Variants in GCG observed in about 807,000 individuals in gnomAD.
GCG encodes glucagon, also known as pro-glucagon.
Under a neutral mutation model 22.8 loss-of-function variants are expected in GCG, and 11 were observed. The observed-to-expected ratio is 0.48, with a 90% CI of 0.30 to 0.80. GCG has a LOEUF of 0.80. Ranked by LOEUF, GCG falls within the 30% of genes least tolerant of loss-of-function variation. The pLI is 0.06. For missense variants in GCG, 222 were observed against 222.0 expected, an observed-to-expected ratio of 1.00 and a Z score of 0.00; for synonymous variants, 89 against 72.4, an observed-to-expected ratio of 1.23 and a Z score of -1.16.
At chr2:162,148,221 C>T (rs1686743074) in intron 2 of GCG, among the ~76,000 whole-genome samples, 1 of 151,980 alleles carries the variant, frequency 6.6e-6, no homozygotes, top group African/African-American at 2.4e-5. Context: ...TGTGTATGAA[C>T]TTTCTGGAAA....
chr2:162,148,390 G>T (rs1417124509), intron 2 of GCG, among the ~76,000 whole-genome samples: 3 of 152,084 alleles, frequency 2.0e-5, no homozygotes, highest in Non-Finnish European at 4.4e-5. Flanking sequence ...TAAATTTTAA[G>T]ACCTCTTAAG....
intron 2 of GCG, 113 bp downstream of exon 2, chr2:162,148,974 C>T: frequency 1.5e-6 from 1 of 662,674 alleles, no homozygotes; most frequent in Non-Finnish European, 2.7e-6. Context: ...AACATTTGAT[C>T]ATTGTGCAGA....
In GCG at chr2:162,151,978, G is replaced by A. The variant is rs115354980; in HGVS notation, c.-10+180C>T. The stretch of plus-strand genomic sequence containing the variant: ...TTTTTCCAACTCGCTTTGCGGCTTC[G>A]CTATATTAAAGTACACGTAAATGCA... On this transcript the variant is annotated intron_variant, in intron 1 of 5. Coordinates refer to ENST00000418842, the MANE Select transcript of GCG (RefSeq NM_002054.5). 5.4e-3 allele frequency among the ~76,000 whole-genome samples: 813 copies of A among 151,938 alleles called. 12 individuals are homozygous for A. Among genetic ancestry groups the A allele is most frequent in the African/African-American group, 0.019 (786 of 41,422 alleles).
chr2:162,145,387 A>C, intron 4 of GCG, 153 bp downstream of exon 4: 1 of 647,606 alleles, frequency 1.5e-6, no homozygotes, highest in East Asian at 3.0e-5. Context: ...AATGGGTTTA[A>C]CTTTTATATA....
At chr2:162,147,237 T>C (rs561373830) in intron 3 of GCG, 116 bp downstream of exon 3, 113 of 785,198 alleles carry the variant, frequency 1.4e-4, no homozygotes, top group Admixed American at 4.0e-4. Context: ...ATCTTCAAAA[T>C]GATCAGGGCT....
intron 4 of GCG, chr2:162,145,079 T>C (rs917931533): frequency 1.3e-5 from 2 of 150,390 alleles, no homozygotes; most frequent in African/African-American, 2.4e-5. Context: ...TGAATATTTA[T>C]TAATATATAA....
At chr2:162,144,197 G>T in intron 4 of GCG, 27 bp from the exon 5 acceptor site, 1 of 1,573,208 alleles carries the variant, frequency 6.4e-7, no homozygotes, top group Non-Finnish European at 8.7e-7. Context: ...TAAAATTAGC[G>T]TTTGATTAGA....
rs907101187 is a variant in GCG, at chr2:162,145,618, C to G, written c.314G>C (p.Ser105Thr). Reference protein sequence around the residue: ...FERHAEGTFTSDVSSYLEGQA... With the variant: ...FERHAEGTFTTDVSSYLEGQA... ...GCCTTCCAAATAAGAACTTACATCA[C>G]TGGTAAAGGTCCCTTCAGCATGTCT... The change falls in exon 4 of 6, where the codon AGT becomes ACT. Residue 105 changes from serine to threonine, a missense_variant. Transcript: ENST00000418842. The G allele has an allele frequency of 1.2e-6, 2 of 1,611,084 alleles. No homozygotes were observed. The highest frequency in any genetic ancestry group is 1.7e-6 in the Non-Finnish European group (2 of 1,178,104).
At chr2:162,144,279 G>A (rs1686626180) in intron 4 of GCG, 109 bp from the exon 5 acceptor site, 7 of 881,758 alleles carry the variant, frequency 7.9e-6, no homozygotes, top group Non-Finnish European at 1.3e-5. Flanking sequence ...AACAGTAAAG[G>A]ATTCTGTTTT....
chr2:162,147,067 T>C (rs1686706389), intron 3 of GCG, among the ~76,000 whole-genome samples: 1 of 152,068 alleles, frequency 6.6e-6, no homozygotes, highest in African/African-American at 2.4e-5. Flanking sequence ...AAACTTTCAC[T>C]TTAAGGGAAA....
At chr2:162,147,598 G>C in intron 2 of GCG, 84 bp from the exon 3 acceptor site, 3 of 1,196,932 alleles carry the variant, frequency 2.5e-6, no homozygotes, top group Non-Finnish European at 3.7e-6. Flanking sequence ...CAAAATACAA[G>C]ACCATATAAA....
At chr2:162,145,022 TC>T (rs1176532517) in intron 4 of GCG, 2 of 152,160 alleles carry the variant, frequency 1.3e-5, no homozygotes, top group Non-Finnish European at 2.9e-5. Context: ...TATCATTTTA[TC>T]AACATCTTAG....
intron 4 of GCG, chr2:162,145,290 G>T (rs187183449): frequency 2.9e-6 from 1 of 345,040 alleles, no homozygotes; most frequent in Non-Finnish European, 5.2e-6. Flanking sequence ...TTTGGCCAAA[G>T]ATTTAATACC....
At chr2:162,149,963 A>G (rs894823531) in intron 1 of GCG, among the ~76,000 whole-genome samples, 2 of 152,144 alleles carry the variant, frequency 1.3e-5, no homozygotes, top group African/African-American at 4.8e-5. Flanking sequence ...GTTGTTTTCT[A>G]ATTGGACTTA....
rs5646 is a variant in GCG, at chr2:162,149,075, C to T, written c.92+12G>A. On this transcript the variant is annotated intron_variant, in intron 2 of 5. Transcript: ENST00000418842. Reference sequence around the variant, plus strand: ...ATATTGATATGTTAGTTCGAGACTACGGATTTAATACCTGGATTTCTCCTC... The same window carrying T: ...ATATTGATATGTTAGTTCGAGACTATGGATTTAATACCTGGATTTCTCCTC... The T allele has an allele frequency of 5.4e-4, 826 of 1,542,286 alleles. No homozygotes were observed. The highest frequency in any genetic ancestry group is 2.6e-3 in the African/African-American group (192 of 73,534).
At chr2:162,151,135 T>A (rs1559751182) in intron 1 of GCG, among the ~76,000 whole-genome samples, 1 of 152,058 alleles carries the variant, frequency 6.6e-6, no homozygotes, top group Non-Finnish European at 1.5e-5. Flanking sequence ...CCCCCCTCTT[T>A]AGGTAGTCTA....
At chr2:162,143,941 C>T in intron 5 of GCG, 86 bp downstream of exon 5, 2 of 1,120,956 alleles carry the variant, frequency 1.8e-6, no homozygotes, top group Non-Finnish European at 2.7e-6. Flanking sequence ...AGACTTTCCC[C>T]CTACATGGGG....
At chr2:162,149,210 T>C in intron 1 of GCG, 23 bp from the exon 2 acceptor site, 1 of 1,295,772 alleles carries the variant, frequency 7.7e-7, no homozygotes, top group African/African-American at 1.5e-5. Flanking sequence ...AGAATGGGGG[T>C]AGGGTGAGGG....
At chr2:162,145,397 A>T (rs1430768662) in intron 4 of GCG, 143 bp downstream of exon 4, 3 of 713,836 alleles carry the variant, frequency 4.2e-6, no homozygotes, top group Non-Finnish European at 6.6e-6. Context: ...ACTTTTATAT[A>T]CTGTTTTTCA....
Sources: gnomAD v4.1 joint callset for allele counts (sites outside exome capture counted in the v4.1 genomes callset) on GRCh38, gnomAD v4.1.1 for gene constraint, MANE v1.5 for transcripts, NCBI Gene and HGNC (gene_info 2026-07-23, HGNC 2026-07-21) for gene names.